Variants in TUFM observed in about 807,000 individuals in gnomAD.
The protein encoded by TUFM is elongation factor Tu, mitochondrial.
Under a neutral mutation model 45.0 loss-of-function variants are expected in TUFM, and 23 were observed. The observed-to-expected ratio is 0.51, with a 90% CI of 0.37 to 0.72. TUFM has a LOEUF of 0.72. Among genes scored for constraint, TUFM ranks in the 30% least tolerant of loss-of-function variants. The probability of loss-of-function intolerance (pLI) is 0.00; values close to 1 mark genes in which losing one functional copy is unlikely to be tolerated. For missense variants in TUFM, 490 were observed against 610.7 expected, an observed-to-expected ratio of 0.80 and a Z score of 2.08; for synonymous variants, 243 against 252.9, an observed-to-expected ratio of 0.96 and a Z score of 0.37.
intron 8 of TUFM, 41 bp from the exon 9 acceptor site, chr16:28,843,896 G>T (rs770120817): frequency 1.2e-6 from 2 of 1,614,064 alleles, no homozygotes; most frequent in Admixed American, 3.3e-5. Context: ...GGGCTTGGCT[G>T]GAGGCTGGGG....
chr16:28,843,855 C>G lies in TUFM; in HGVS notation c.1075G>C (p.Val359Leu), dbSNP rs1028926288. 6.2e-7 allele frequency: 1 copy of G among 1,614,108 alleles called. No individual in the cohort carries two copies. Reference protein sequence around the residue: ...IKPHQKVEAQVYILSKEEGGR... With the variant: ...IKPHQKVEAQLYILSKEEGGR... ...CCTTCCTCCTTGCTGAGGATGTAAA[C>G]CTGGAGGAGAGCAAGCAATGACGGT... The change falls in exon 9 of 10, where the codon GTT (valine) becomes CTT (leucine). Residue 359 changes from valine to leucine, a missense_variant and splice_region_variant. By Grantham distance (32) the Val-to-Leu change is conservative (BLOSUM62 1). Coordinates refer to ENST00000313511, the MANE Select transcript of TUFM (RefSeq NM_003321.5).
intron 9 of TUFM, 99 bp from the exon 10 acceptor site, chr16:28,843,247 C>T: frequency 1.6e-6 from 2 of 1,285,898 alleles, no homozygotes; most frequent in South Asian, 1.2e-5. Flanking sequence ...TGGGAGAATG[C>T]AGCAGGGGAA....
Position 28,843,748 on chromosome 16 carries a change from C to T in TUFM, c.1182G>A (p.Leu394=). ...LTWDMACRII[L]PPEKELAMPG... is the part of the protein sequence containing the mutation. ...CCACCCACCGTACCTTCTCTGGGGG[C>T]AGGATAATCCGACAGGCCATGTCCC... is the stretch of plus-strand genomic sequence containing the variant. The change falls in exon 9 of 10, where the codon CTG becomes CTA. Residue 394 remains leucine, a synonymous_variant. Coordinates refer to ENST00000313511, the MANE Select transcript of TUFM (RefSeq NM_003321.5). 1.2e-6 allele frequency: 2 copies of T among 1,613,034 alleles called. No individual in the cohort carries two copies. The highest frequency in any genetic ancestry group is 1.7e-6 in the Non-Finnish European group (2 of 1,179,932).
Position 28,845,486 on chromosome 16 carries a change from G to A in TUFM, c.248-6C>T. 4 of 1,614,122 alleles carry A rather than the reference G, an allele frequency of 2.5e-6. No homozygotes were observed. The South Asian group carries it at 4.4e-5, about 18-fold the overall frequency. On this transcript the variant is annotated splice_polypyrimidine_tract_variant and splice_region_variant and intron_variant, in intron 2 of 9. Coordinates refer to ENST00000313511, the MANE Select transcript of TUFM (RefSeq NM_003321.5). ...CCCACCTCCCTCAGCTAGAACTAAA[G>A]GAGGAAAAGAACACACCTCTCAGCT...
Position 28,844,043 on chromosome 16 carries a change from G to A in TUFM, c.981C>T (p.Ala327=), listed in dbSNP as rs201593115. The A allele has an allele frequency of 6.2e-7, 1 of 1,614,228 alleles. No homozygotes were observed. The highest frequency in any genetic ancestry group is 8.5e-7 in the Non-Finnish European group (1 of 1,180,044). The change falls in exon 8 of 10, where the codon GCC becomes GCT. Residue 327 remains alanine, a synonymous_variant. Coordinates refer to ENST00000313511, the MANE Select transcript of TUFM (RefSeq NM_003321.5). This position sits in a 1 kb window ranked among gnomAD's most constrained non-coding sequence, Gnocchi z 5.8. ...CCTCCCGCTTCAAGCCTCGGACCAGGGCCCCGAGGTTATCTCCGGCCTCGG... is the reference window on the plus strand; with the variant it reads ...CCTCCCGCTTCAAGCCTCGGACCAGAGCCCCGAGGTTATCTCCGGCCTCGG... ...ERAEAGDNLG[A]LVRGLKREDL...
chr16:28,844,030 A>C lies in TUFM; in HGVS notation c.994T>G (p.Leu332Val). Residue 332 changes from leucine (L) to valine (V), a missense_variant, in exon 8 of 10, where the codon TTG becomes GTG. By Grantham distance (32) the Leu-to-Val change is conservative. Coordinates refer to ENST00000313511, the MANE Select transcript of TUFM (RefSeq NM_003321.5). The surrounding 1 kb of genome is among the most constrained non-coding windows in gnomAD (Gnocchi z 5.8). ...CCCCGCCGCAAGTCCTCCCGCTTCA[A>C]GCCTCGGACCAGGGCCCCGAGGTTA... ...GDNLGALVRGLKREDLRRGLV... is the reference protein window; with the variant it reads ...GDNLGALVRGVKREDLRRGLV... 1 of 1,614,200 alleles carries C rather than the reference A, an allele frequency of 6.2e-7. No homozygotes were observed. The highest frequency in any genetic ancestry group is 1.1e-5 in the South Asian group (1 of 91,082).
rs200807950 is a variant in TUFM at position 28,844,108 on chromosome 16, C to T, written c.923-7G>A. ...TTGTGGAACATCTCAATGCCTAGGA[C>T]GGAAAGGGAAAAGGAGCAGGGAGAA... is the stretch of plus-strand genomic sequence containing the variant. On this transcript the variant is annotated splice_region_variant and splice_polypyrimidine_tract_variant and intron_variant, in intron 7 of 9. Coordinates refer to ENST00000313511, the MANE Select transcript of TUFM (RefSeq NM_003321.5). The surrounding 1 kb of genome is among the most constrained non-coding windows in gnomAD (Gnocchi z 5.8). 5.6e-6 allele frequency: 9 copies of T among 1,614,022 alleles called. No individual in the cohort carries two copies. The highest frequency in any genetic ancestry group is 3.3e-4 in the Middle Eastern group (2 of 6,062).
rs373191561 is a variant in TUFM at position 28,842,960 on chromosome 16, C to T, written c.*15G>A. ...GGCCTTAAACGCAAGGGAAGCTGAGCAGAGATCTGCACACTCAACCCCATT... is the reference window on the plus strand; with the variant it reads ...GGCCTTAAACGCAAGGGAAGCTGAGTAGAGATCTGCACACTCAACCCCATT... On this transcript the variant is annotated 3_prime_UTR_variant, in exon 10 of 10. Coordinates refer to ENST00000313511, the MANE Select transcript of TUFM (RefSeq NM_003321.5). 9.3e-6 allele frequency: 15 copies of T among 1,613,794 alleles called. No individual in the cohort carries two copies. The African/African-American group carries it at 2.0e-4, about 22-fold the overall frequency.
chr16:28,844,471 C>T lies in TUFM; in HGVS notation c.765G>A (p.Arg255=). ...GCAGCAGGAAAGGCTTCTCCAGGTC[C>T]CGGGCGGGCACTGGGATGTAAGTGT... ...AVDTYIPVPA[R]DLEKPFLLPV... Residue 255 remains arginine (R), a synonymous_variant, in exon 6 of 10, where the codon CGG becomes CGA. Coordinates refer to ENST00000313511, the MANE Select transcript of TUFM (RefSeq NM_003321.5). This position sits in a 1 kb window ranked among gnomAD's most constrained non-coding sequence, Gnocchi z 5.8. 6.2e-7 allele frequency: 1 copy of T among 1,614,156 alleles called. No homozygotes were observed. The highest frequency in any genetic ancestry group is 8.5e-7 in the Non-Finnish European group (1 of 1,180,032).
At chr16:28,845,632 T>C (rs1961927960) in intron 2 of TUFM, 152 bp from the exon 3 acceptor site, 2 of 1,076,848 alleles carry the variant, frequency 1.9e-6, no homozygotes, top group Non-Finnish European at 1.4e-6. Flanking sequence ...AAAGAAATGT[T>C]AGAGGGCCTT....
In TUFM at chr16:28,842,894, TGA is replaced by T. The variant is rs1961837005; in HGVS notation, c.*79_*80del. The T allele has an allele frequency of 1.3e-6, 2 of 1,562,392 alleles. No homozygotes were observed. The highest frequency in any genetic ancestry group is 3.3e-5 in the Admixed American group (2 of 59,944). On this transcript the variant is annotated 3_prime_UTR_variant, in exon 10 of 10. Transcript: ENST00000313511. The stretch of plus-strand genomic sequence containing the variant: ...CTCTGCTGGGTTGCAGCCTATGCCA[TGA>T]GAGGGTACTGGAAGCAGGAGGGAGC...
At chr16:28,845,139 C>G in intron 3 of TUFM, 84 bp from the exon 4 acceptor site, 2 of 1,574,892 alleles carry the variant, frequency 1.3e-6, no homozygotes, top group Non-Finnish European at 1.7e-6. Flanking sequence ...CAGTTAGAAA[C>G]TCAGGCCCAC....
At position 28,845,421 on chromosome 16, in the gene TUFM, C is replaced by T. The variant is rs775649422; in HGVS notation, c.307G>A (p.Glu103Lys). 6.2e-7 allele frequency: 1 copy of T among 1,614,142 alleles called. No individual in the cohort carries two copies. Among genetic ancestry groups the T allele is most frequent in the Non-Finnish European group, 8.5e-7 (1 of 1,180,020 alleles). ...KKYEEIDNAP[E>K]ERARGITINA... ...ATGGTGATACCCCGAGCTCGCTCCTCCGGGGCATTGTCAATCTCCTCGTAC... is the reference window on the plus strand; with the variant it reads ...ATGGTGATACCCCGAGCTCGCTCCTTCGGGGCATTGTCAATCTCCTCGTAC... Residue 103 changes from glutamate (E) to lysine (K), a missense_variant, in exon 3 of 10, where the codon GAG (glutamate) becomes AAG (lysine). Physicochemically the swap from Glu to Lys is moderately conservative, Grantham distance 56 (BLOSUM62 1). Coordinates refer to ENST00000313511, the MANE Select transcript of TUFM (RefSeq NM_003321.5).
In TUFM at chr16:28,842,889, T is replaced by G. The variant is rs562976933; in HGVS notation, c.*86A>C. ...CTGCCCTCTGCTGGGTTGCAGCCTA[T>G]GCCATGAGAGGGTACTGGAAGCAGG... On this transcript the variant is annotated 3_prime_UTR_variant, in exon 10 of 10. Coordinates refer to ENST00000313511, the MANE Select transcript of TUFM (RefSeq NM_003321.5). The G allele has an allele frequency of 1.3e-6, 2 of 1,555,816 alleles. No homozygotes were observed. The highest frequency in any genetic ancestry group is 3.3e-5 in the Admixed American group (2 of 59,948).
chr16:28,845,767 T>C, intron 2 of TUFM, 145 bp downstream of exon 2: 1 of 1,048,224 alleles, frequency 9.5e-7, no homozygotes, highest in Non-Finnish European at 1.4e-6. Context: ...ATTTGTCTCT[T>C]GCATCTCCCA....
rs771188535 is a variant in TUFM, at chr16:28,844,761, G to A, written c.621C>T (p.Thr207=). The A allele has an allele frequency of 3.7e-6, 6 of 1,614,160 alleles. No homozygotes were observed. The highest frequency in any genetic ancestry group is 3.3e-5 in the South Asian group (3 of 91,082). The change falls in exon 5 of 10, where the codon ACC becomes ACT. Residue 207 remains threonine, a synonymous_variant. Transcript: ENST00000313511. The surrounding 1 kb of genome is among the most constrained non-coding windows in gnomAD (Gnocchi z 5.8). ...TCTCCTCCCCTTTATAGCCAAACTC[G>A]GTGAGCAGCTCCCGGATCTCCAGTT... is the stretch of plus-strand genomic sequence containing the variant. ...LVELEIRELL[T]EFGYKGEETP...
chr16:28,843,043 T>C lies in TUFM; in HGVS notation c.1300A>G (p.Ile434Val), dbSNP rs756481272. The stretch of plus-strand genomic sequence containing the variant: ...GTGTTGGTGACTAGACCGGTGCCAA[T>C]AGTCCGGTTGCCATCTCGCAGGGTG... ...RFTLRDGNRT[I>V]GTGLVTNTLA... is the part of the protein sequence containing the mutation. The change falls in exon 10 of 10, where the codon ATT becomes GTT. Residue 434 changes from isoleucine to valine, a missense_variant. Transcript: ENST00000313511. The C allele has an allele frequency of 1.6e-5, 26 of 1,614,090 alleles. 1 individual carries two copies. The highest frequency in any genetic ancestry group is 8.8e-5 in the South Asian group (8 of 91,086).
In TUFM at chr16:28,846,287, C is replaced by T. The variant is rs1237905201; in HGVS notation, c.-18G>A. On this transcript the variant is annotated 5_prime_UTR_variant, in exon 1 of 10. Coordinates refer to ENST00000313511, the MANE Select transcript of TUFM (RefSeq NM_003321.5). The stretch of plus-strand genomic sequence containing the variant: ...GTGGTCATACTCGCGCCCCGGTAAC[C>T]GGGGAGCCGGGACCAGGAGCCCGAG... The T allele has an allele frequency of 1.3e-6, 2 of 1,549,948 alleles. No homozygotes were observed. Among genetic ancestry groups the T allele is most frequent in the Non-Finnish European group, 1.7e-6 (2 of 1,145,638 alleles).
In TUFM at chr16:28,846,300, C is replaced by G. The variant is rs1009830134; in HGVS notation, c.-31G>C. On this transcript the variant is annotated 5_prime_UTR_variant, in exon 1 of 10. Coordinates refer to ENST00000313511, the MANE Select transcript of TUFM (RefSeq NM_003321.5). Reference sequence around the variant, plus strand: ...CGCCCCGGTAACCGGGGAGCCGGGACCAGGAGCCCGAGCGCACAGAAGAAG... The same window carrying G: ...CGCCCCGGTAACCGGGGAGCCGGGAGCAGGAGCCCGAGCGCACAGAAGAAG... 2 of 1,547,062 alleles carry G rather than the reference C, an allele frequency of 1.3e-6. No individual in the cohort carries two copies. Among genetic ancestry groups the G allele is most frequent in the African/African-American group, 1.4e-5 (1 of 73,080 alleles).
Sources: gnomAD v4.1 joint callset for allele counts on GRCh38, gnomAD v4.1.1 for gene constraint, Gnocchi (gnomAD v3.1) non-coding constraint, MANE v1.5 for transcripts, NCBI Gene and HGNC (gene_info 2026-07-23, HGNC 2026-07-21) for gene names.